Variants in SF3B1 observed in about 807,000 individuals in gnomAD.
SF3B1 encodes the protein pre-mRNA processing 10.
In SF3B1, 12 loss-of-function variants were observed where a neutral mutation model predicts 153.8. The ratio of observed to expected loss-of-function variants is 0.08; its 90% CI spans 0.05 to 0.13. SF3B1 has a LOEUF of 0.13. Among genes scored for constraint, SF3B1 ranks in the 10% least tolerant of loss-of-function variants. SF3B1 has a pLI of 1.00. For synonymous variants in SF3B1, 498 were observed against 525.2 expected (o/e 0.95, Z 0.71); for missense variants, 513 against 1,606.1 (o/e 0.32, Z 11.63).
At chr2:197,405,872 C>T (rs1368425606) in intron 9 of SF3B1, among the ~76,000 whole-genome samples, 1 of 151,902 alleles carries the variant, frequency 6.6e-6, no homozygotes, top group Non-Finnish European at 1.5e-5. Context: ...GGGCATAAAA[C>T]ATAAAAAATT....
intron 6 of SF3B1, among the ~76,000 whole-genome samples, chr2:197,415,154 G>A (rs1175649002): frequency 1.3e-5 from 2 of 150,044 alleles, no homozygotes; most frequent in African/African-American, 4.9e-5. Flanking sequence ...ATGTTTGCTG[G>A]TGCTGATAAT....
chr2:197,417,606 A>T (rs2085170287), intron 5 of SF3B1, among the ~76,000 whole-genome samples: 1 of 151,370 alleles, frequency 6.6e-6, no homozygotes, highest in Non-Finnish European at 1.5e-5. Flanking sequence ...GAAATATGAA[A>T]ATTAGCCAGG....
chr2:197,422,058 G>A (rs1053968302), intron 2 of SF3B1, among the ~76,000 whole-genome samples: 2 of 152,044 alleles, frequency 1.3e-5, no homozygotes, highest in South Asian at 2.1e-4. Context: ...AGTGCAACAC[G>A]GGGTAATTCT....
Position 197,390,393 on chromosome 2 carries a change from T to G in SF3B1, c.*1910A>C, listed in dbSNP as rs1185731307. 1 of 152,240 alleles carries G rather than the reference T, an allele frequency of 6.6e-6. No homozygotes were observed. The highest frequency in any genetic ancestry group is 1.5e-5 in the Non-Finnish European group (1 of 68,052). The allele number at this position is 152,240 out of a possible 1,614,324, so 9.4% of individuals were successfully genotyped here. The stretch of plus-strand genomic sequence containing the variant: ...CTATTTGTATTCAATTCTCAGTCAT[T>G]ACTGAAGGTCATTTGACATCAACCA... On this transcript the variant is annotated 3_prime_UTR_variant, in exon 25 of 25. Coordinates refer to ENST00000335508, the MANE Select transcript of SF3B1 (RefSeq NM_012433.4).
At chr2:197,399,084 T>C in intron 20 of SF3B1, 1 of 1,295,096 alleles carries the variant, frequency 7.7e-7, no homozygotes, top group Non-Finnish European at 1.0e-6. Flanking sequence ...GCTCTTGCTC[T>C]AACTAGAATC....
intron 11 of SF3B1, chr2:197,404,872 A>G: frequency 2.3e-6 from 1 of 442,262 alleles, no homozygotes; most frequent in East Asian, 4.1e-5. Flanking sequence ...GAAAAAATTA[A>G]AAACATTTTT....
At chr2:197,431,640 T>C (rs1411749304) in intron 1 of SF3B1, among the ~76,000 whole-genome samples, 1 of 152,076 alleles carries the variant, frequency 6.6e-6, no homozygotes, top group Non-Finnish European at 1.5e-5. Context: ...ATATAACCGG[T>C]GAACAACTAT....
rs116071704 is a variant in SF3B1, at chr2:197,392,900, C to T, written c.3756+72G>A. ...ATGTAACAAACCTGCACGTTCAGCACAAGTATCCCAGAACTTAAAGTATTA... is the reference window on the plus strand; with the variant it reads ...ATGTAACAAACCTGCACGTTCAGCATAAGTATCCCAGAACTTAAAGTATTA... On this transcript the variant is annotated intron_variant, in intron 24 of 24. Coordinates refer to ENST00000335508, the MANE Select transcript of SF3B1 (RefSeq NM_012433.4). 5,872 of 883,834 alleles carry T rather than the reference C, an allele frequency of 6.6e-3. 37 individuals carry two copies. Among genetic ancestry groups the T allele is most frequent in the Middle Eastern group, 0.011 (32 of 2,914 alleles). The allele number at this position is 883,834 out of a possible 1,614,324, so 54.7% of individuals were successfully genotyped here.
rs2105986161 is a variant in SF3B1, at chr2:197,402,467, C to G, written c.2077+89G>C. On this transcript the variant is annotated intron_variant, in intron 14 of 24. Transcript: ENST00000335508. The surrounding 1 kb of genome is among the most constrained non-coding windows in gnomAD (Gnocchi z 4.6). ...AGGCTGAGCAGGAGGATCACTTGAG[C>G]CCAAAGGTTTGAGTCCAGTCTGGGC... The G allele has an allele frequency of 8.5e-7, 1 of 1,182,262 alleles. No homozygotes were observed. The allele number at this position is 1,182,262 out of a possible 1,614,324, so 73.2% of individuals were successfully genotyped here.
At chr2:197,420,721 T>A (rs563960317) in intron 3 of SF3B1, among the ~76,000 whole-genome samples, 179 bp from the exon 4 acceptor site, 166 of 152,266 alleles carry the variant, frequency 1.1e-3, no homozygotes, top group African/African-American at 3.8e-3. Context: ...AACAAGGTAA[T>A]ATACATATCC....
At chr2:197,416,507 G>C in intron 6 of SF3B1, 1 of 414,012 alleles carries the variant, frequency 2.4e-6, no homozygotes, top group East Asian at 3.9e-5. Context: ...AACAGAGCTT[G>C]CTGGCACAGA....
chr2:197,430,818 G>C (rs760053405), intron 1 of SF3B1, among the ~76,000 whole-genome samples: 40 of 152,110 alleles, frequency 2.6e-4, no homozygotes, highest in Non-Finnish European at 5.1e-4. Flanking sequence ...GTTTTTCTGA[G>C]ACAGAGTCCT....
intron 24 of SF3B1, 85 bp from the exon 25 acceptor site, chr2:197,392,546 T>C: frequency 4.2e-6 from 1 of 236,090 alleles, no homozygotes; most frequent in Non-Finnish European, 7.5e-6. Context: ...AAGATATGAT[T>C]CAAAATTATT....
chr2:197,434,984 T>C lies in SF3B1; in HGVS notation c.16A>G (p.Lys6Glu). The change falls in exon 1 of 25, where the codon AAG becomes GAG. Residue 6 changes from lysine (K) to glutamate (E), a missense_variant. Physicochemically the swap from Lys to Glu is moderately conservative, Grantham distance 56. This residue lies in a region of SF3B1 where 27 missense variants were observed against 26.7 expected (regional missense o/e 1.01). Coordinates refer to ENST00000335508, the MANE Select transcript of SF3B1 (RefSeq NM_012433.4). MAKIA[K>E]THEDIEAQIR... ...AAAGACCGCTTACCTTCGTGAGTCT[T>C]GGCGATCTTCGCCATTTTGTCCACT... The C allele has an allele frequency of 2.5e-6, 4 of 1,614,264 alleles. No individual in the cohort carries two copies. Among genetic ancestry groups the C allele is most frequent in the Non-Finnish European group, 3.4e-6 (4 of 1,180,028 alleles).
chr2:197,419,061 TA>T (rs1559274562), intron 4 of SF3B1: 1 of 829,794 alleles, frequency 1.2e-6, no homozygotes, highest in African/African-American at 1.7e-5. Context: ...TATGACTAGA[TA>T]AGTTCTTCAT....
intron 6 of SF3B1, 35 bp from the exon 7 acceptor site, chr2:197,410,042 C>T: frequency 2.2e-6 from 3 of 1,349,658 alleles, no homozygotes; most frequent in Non-Finnish European, 3.1e-6. Flanking sequence ...TTCACACACC[C>T]ACACAGAAAT....
chr2:197,431,750 C>A (rs1355784066), intron 1 of SF3B1, among the ~76,000 whole-genome samples: 1 of 152,100 alleles, frequency 6.6e-6, no homozygotes, highest in African/African-American at 2.4e-5. Context: ...TCCAATAGGA[C>A]AACTAACTAT....
At position 197,396,106 on chromosome 2, in the gene SF3B1, T is replaced by C. The variant is rs1476773217; in HGVS notation, c.3489A>G (p.Lys1163=). 6.2e-7 allele frequency: 1 copy of C among 1,613,896 alleles called. No individual in the cohort carries two copies. The change falls in exon 23 of 25, where the codon AAA becomes AAG. Residue 1163 remains lysine, a synonymous_variant. Transcript: ENST00000335508. ...FLFEYIGEMG[K]DYIYAVTPLL... is the part of the protein sequence containing the mutation. The stretch of plus-strand genomic sequence containing the variant: ...ACGGTGTTACGGCATAAATGTAGTC[T>C]TTTCCCATTTCACCAATATATTCAA...
At chr2:197,427,466 CAG>C (rs1332222387) in intron 1 of SF3B1, among the ~76,000 whole-genome samples, 2 of 152,152 alleles carry the variant, frequency 1.3e-5, no homozygotes, top group Non-Finnish European at 2.9e-5. Flanking sequence ...TTATGCAATT[CAG>C]AGAACTAAAA....
Sources: allele counts gnomAD v4.1 joint callset (sites outside exome capture counted in the v4.1 genomes callset), GRCh38; gene constraint gnomAD v4.1.1; regional missense constraint gnomAD v4.1.1; non-coding constraint Gnocchi (gnomAD v3.1); transcripts MANE v1.5; gene names NCBI Gene and HGNC (gene_info 2026-07-23, HGNC 2026-07-21).